CCSER1: variants seen among roughly 807,000 people sequenced by gnomAD.
The protein encoded by CCSER1 is serine-rich coiled-coil domain-containing protein 1.
Under a neutral mutation model 82.0 loss-of-function variants are expected in CCSER1, and 41 were observed. The observed-to-expected ratio is 0.50, with a 90% CI of 0.39 to 0.65. The LOEUF (loss-of-function observed/expected upper bound fraction) is 0.65, where lower values mean the gene tolerates loss of function less well. Ranked by LOEUF, CCSER1 falls within the 30% of genes least tolerant of loss-of-function variation. The probability of loss-of-function intolerance (pLI) is 0.00; values close to 1 mark genes in which losing one functional copy is unlikely to be tolerated. For missense variants in CCSER1, 1,119 were observed against 1,064.2 expected (o/e 1.05, Z -0.72); for synonymous variants, 414 against 383.9 (o/e 1.08, Z -0.92).
At chr4:91,441,287 T>C (rs1400735470) in intron 10 of CCSER1, among the ~76,000 whole-genome samples, 1 of 152,076 alleles carries the variant, frequency 6.6e-6, no homozygotes. Context: ...CAAGTGGGCT[T>C]CATCCCTGGG....
At chr4:90,788,358 AAACT>A (rs1343947160) in intron 7 of CCSER1, among the ~76,000 whole-genome samples, 1 of 152,204 alleles carries the variant, frequency 6.6e-6, no homozygotes, top group African/African-American at 2.4e-5. Context: ...TACTACAAAC[AAACT>A]GAGTGGCTTA....
intron 10 of CCSER1, among the ~76,000 whole-genome samples, chr4:91,245,528 A>G (rs563651235): frequency 6.6e-6 from 1 of 152,304 alleles, no homozygotes; most frequent in South Asian, 2.1e-4. Flanking sequence ...CTGTTACCCT[A>G]GAATGATACA....
At chr4:90,724,733 T>C in intron 7 of CCSER1, 1 of 329,216 alleles carries the variant, frequency 3.0e-6, no homozygotes, top group Non-Finnish European at 6.0e-6. Flanking sequence ...GTGCACTGAT[T>C]TCAGTATAGT....
chr4:90,833,116 T>A (rs1259199025), intron 8 of CCSER1, among the ~76,000 whole-genome samples: 1 of 152,162 alleles, frequency 6.6e-6, no homozygotes, highest in Non-Finnish European at 1.5e-5. Context: ...ATTCTCACAG[T>A]TTTGGAAGCT....
chr4:90,866,090 C>A (rs541142579), intron 8 of CCSER1, among the ~76,000 whole-genome samples: 2 of 151,974 alleles, frequency 1.3e-5, no homozygotes, highest in East Asian at 2.0e-4. Context: ...GATTCGATTA[C>A]CTCCCAAGAG....
At chr4:91,584,403 G>A (rs959420407) in intron 10 of CCSER1, among the ~76,000 whole-genome samples, 1 of 151,518 alleles carries the variant, frequency 6.6e-6, no homozygotes, top group African/African-American at 2.4e-5. Context: ...AGTATAAATT[G>A]TTTTTGGAGG....
chr4:90,760,327 C>T (rs1364589837), intron 7 of CCSER1, among the ~76,000 whole-genome samples: 1 of 151,892 alleles, frequency 6.6e-6, no homozygotes, highest in African/African-American at 2.4e-5. Flanking sequence ...TTACAGTTAA[C>T]ATCTAGCAGA....
At chr4:90,521,152 C>A (rs1773063609) in intron 5 of CCSER1, among the ~76,000 whole-genome samples, 1 of 152,064 alleles carries the variant, frequency 6.6e-6, no homozygotes, top group South Asian at 2.1e-4. Flanking sequence ...GAATATAATT[C>A]TTGTGCTTCT....
At chr4:91,270,476 T>C (rs1363295730) in intron 10 of CCSER1, among the ~76,000 whole-genome samples, 1 of 152,314 alleles carries the variant, frequency 6.6e-6, no homozygotes, top group South Asian at 2.1e-4. Context: ...TTCTTTTTCC[T>C]TTCTTTCATG....
chr4:90,878,251 T>C (rs1720666749), intron 8 of CCSER1, among the ~76,000 whole-genome samples: 1 of 152,144 alleles, frequency 6.6e-6, no homozygotes, highest in African/African-American at 2.4e-5. Flanking sequence ...TCCTACTCCA[T>C]AACCATGAGC....
intron 8 of CCSER1, among the ~76,000 whole-genome samples, chr4:90,870,418 T>G (rs1766322146): frequency 1.3e-5 from 2 of 151,926 alleles, no homozygotes; most frequent in Non-Finnish European, 2.9e-5. Context: ...TATTGAGTTT[T>G]ATTAAATTCT....
chr4:91,359,769 G>T (rs1253213182), intron 10 of CCSER1, among the ~76,000 whole-genome samples: 1 of 151,682 alleles, frequency 6.6e-6, no homozygotes, highest in Non-Finnish European at 1.5e-5. Flanking sequence ...CTGAGTATTG[G>T]TGCATAATTT....
chr4:91,301,803 G>A (rs1744690437), intron 10 of CCSER1, among the ~76,000 whole-genome samples: 1 of 151,922 alleles, frequency 6.6e-6, no homozygotes, highest in Admixed American at 6.6e-5. Context: ...AGTAAATTAA[G>A]CCACCAACAA....
intron 4 of CCSER1, among the ~76,000 whole-genome samples, chr4:90,421,519 T>C (rs911019371): frequency 4.6e-5 from 7 of 152,198 alleles, no homozygotes; most frequent in African/African-American, 1.7e-4. Flanking sequence ...GGAAAAACGC[T>C]ACCTTGACTG....
Position 90,567,609 on chromosome 4 carries a change from ATTTTTT to A in CCSER1, c.1725-60405_1725-60400del, listed in dbSNP as rs34322120. 2.2e-3 allele frequency among the ~76,000 whole-genome samples: 277 copies of A among 123,674 alleles called. 2 individuals are homozygous for A. Among genetic ancestry groups the A allele is most frequent in the African/African-American group, 8.3e-3 (266 of 32,206 alleles). 81.1% of individuals were successfully genotyped at this position (123,674 alleles called of 152,430 possible). A position where few individuals can be genotyped will look rare whatever the true frequency, so the allele number is the denominator to read the frequency against. ...CCAGCCAGAAATTTTTTTTTTAATG[ATTTTTT>A]TTTTTTTTTTGACAAGGTCTTACTC... On this transcript the variant is annotated intron_variant, in intron 5 of 10. Transcript: ENST00000509176.
intron 5 of CCSER1, among the ~76,000 whole-genome samples, chr4:90,470,748 C>G (rs1578639535): frequency 8.1e-6 from 1 of 123,988 alleles, no homozygotes. Context: ...ATTTCTCATT[C>G]CTTTTAATCA....
At chr4:91,024,883 C>T (rs1435620792) in intron 9 of CCSER1, among the ~76,000 whole-genome samples, 1 of 151,956 alleles carries the variant, frequency 6.6e-6, no homozygotes, top group African/African-American at 2.4e-5. Context: ...AAGAATATAG[C>T]TTCTTCAACT....
chr4:91,155,034 T>TAAA (rs35463054), intron 10 of CCSER1, among the ~76,000 whole-genome samples: 12,040 of 149,374 alleles, frequency 0.081, 785 homozygotes, highest in Non-Finnish European at 0.12. Context: ...TTTCTGGCCT[T>TAAA]AAAAAAAAAA....
chr4:91,113,850 A>ATTTTT (rs34946872), intron 10 of CCSER1, among the ~76,000 whole-genome samples: 3 of 146,068 alleles, frequency 2.1e-5, no homozygotes, highest in African/African-American at 2.5e-5. Context: ...TGATATCTAC[A>ATTTTT]TTTTTTTTTT....
Sources: gnomAD v4.1 joint callset for allele counts (sites outside exome capture counted in the v4.1 genomes callset) on GRCh38, gnomAD v4.1.1 for gene constraint, MANE v1.5 for transcripts, NCBI Gene and HGNC (gene_info 2026-07-23, HGNC 2026-07-21) for gene names.